The following RASGRF2 variants were observed in gnomAD, a reference collection of about 807,000 sequenced individuals.
RASGRF2 encodes Ras protein specific guanine nucleotide releasing factor 2.
Under a neutral mutation model 151.0 loss-of-function variants are expected in RASGRF2, and 76 were observed. That is an observed-to-expected ratio of 0.50 (90% CI 0.42 to 0.61). The LOEUF (loss-of-function observed/expected upper bound fraction) is 0.61, where lower values mean the gene tolerates loss of function less well. Among genes scored for constraint, RASGRF2 ranks in the 20% least tolerant of loss-of-function variants. The pLI is 0.00. For missense variants in RASGRF2, 1,148 were observed against 1,564.6 expected (o/e 0.73, Z 4.49); for synonymous variants, 504 against 566.5 (o/e 0.89, Z 1.57).
intron 17 of RASGRF2, among the ~76,000 whole-genome samples, chr5:81,140,504 G>A (rs1172668801): frequency 6.6e-6 from 1 of 151,826 alleles, no homozygotes; most frequent in Non-Finnish European, 1.5e-5. Context: ...GAACTGCAAA[G>A]CTGCAGCTTT....
In RASGRF2 at chr5:81,225,854, C is replaced by T. The variant is rs909954040; in HGVS notation, c.*84C>T. ...TGTGTATGCCTTGCCTATCACGGTA[C>T]AGCACGAAGCCAGGCTCCTTTCTCC... On this transcript the variant is annotated 3_prime_UTR_variant, in exon 27 of 27. Coordinates refer to ENST00000265080, the MANE Select transcript of RASGRF2 (RefSeq NM_006909.3). 2.8e-6 allele frequency: 4 copies of T among 1,406,538 alleles called. No individual in the cohort carries two copies. Among genetic ancestry groups the T allele is most frequent in the Admixed American group, 2.6e-5 (1 of 38,732 alleles). 87.1% of individuals were successfully genotyped at this position (1,406,538 alleles called of 1,614,324 possible).
At chr5:80,962,967 C>A (rs1747611650) in intron 1 of RASGRF2, among the ~76,000 whole-genome samples, 1 of 152,178 alleles carries the variant, frequency 6.6e-6, no homozygotes, top group East Asian at 1.9e-4. Context: ...GAGAAGCAAG[C>A]ATTCCAGAAT....
At chr5:81,133,180 C>T (rs1753667670) in intron 17 of RASGRF2, among the ~76,000 whole-genome samples, 1 of 152,202 alleles carries the variant, frequency 6.6e-6, no homozygotes, top group South Asian at 2.1e-4. Context: ...TTAATATGCA[C>T]ACTCTTCTGG....
chr5:81,173,390 A>C (rs1754703278), intron 17 of RASGRF2, among the ~76,000 whole-genome samples: 1 of 152,172 alleles, frequency 6.6e-6, no homozygotes, highest in Non-Finnish European at 1.5e-5. Context: ...AAAAATAAAT[A>C]AACAAATAAA....
chr5:81,017,572 G>T (rs899113455), intron 1 of RASGRF2, among the ~76,000 whole-genome samples: 1 of 152,184 alleles, frequency 6.6e-6, no homozygotes, highest in African/African-American at 2.4e-5. Flanking sequence ...AAGATGCGGA[G>T]GTGGCAGCTG....
intron 17 of RASGRF2, among the ~76,000 whole-genome samples, chr5:81,130,647 G>A (rs1204947385): frequency 6.6e-6 from 1 of 152,146 alleles, no homozygotes; most frequent in East Asian, 1.9e-4. Flanking sequence ...CTGGACAGGT[G>A]TTCAAAGGAA....
At chr5:80,976,991 G>A (rs974491976) in intron 1 of RASGRF2, among the ~76,000 whole-genome samples, 1 of 152,138 alleles carries the variant, frequency 6.6e-6, no homozygotes, top group Non-Finnish European at 1.5e-5. Flanking sequence ...TGGTCTTTCT[G>A]TTTTGGTCCA....
intron 1 of RASGRF2, among the ~76,000 whole-genome samples, chr5:80,985,427 C>T (rs192345340): frequency 6.6e-6 from 1 of 152,190 alleles, no homozygotes; most frequent in East Asian, 1.9e-4. Context: ...AGCTACATAA[C>T]AAGTTCAAAA....
chr5:81,109,257 C>T (rs1752931903), intron 13 of RASGRF2, among the ~76,000 whole-genome samples, 179 bp downstream of exon 13: 1 of 152,158 alleles, frequency 6.6e-6, no homozygotes, highest in African/African-American at 2.4e-5. Flanking sequence ...AATGGTTTTT[C>T]ACATTCACAG....
At chr5:81,194,179 T>TAAAAAA (rs34067957) in intron 18 of RASGRF2, among the ~76,000 whole-genome samples, 361 of 131,006 alleles carry the variant, frequency 2.8e-3, no homozygotes, top group South Asian at 6.2e-3. Context: ...GCCCCATCTC[T>TAAAAAA]AAAAAAAAAA....
chr5:81,225,133 C>T (rs983465084), intron 26 of RASGRF2, among the ~76,000 whole-genome samples: 22 of 152,330 alleles, frequency 1.4e-4, no homozygotes, highest in African/African-American at 4.8e-4. Context: ...AGAGTATTCA[C>T]GCATGCACTC....
intron 2 of RASGRF2, among the ~76,000 whole-genome samples, chr5:81,048,102 T>A (rs1303287804): frequency 1.3e-5 from 2 of 152,144 alleles, no homozygotes; most frequent in Non-Finnish European, 2.9e-5. Flanking sequence ...AGAAGAGTGA[T>A]GACATAGAAA....
At chr5:81,181,218 T>G (rs1185465730) in intron 18 of RASGRF2, among the ~76,000 whole-genome samples, 3 of 152,204 alleles carry the variant, frequency 2.0e-5, no homozygotes, top group Non-Finnish European at 2.9e-5. Flanking sequence ...TGCCACTATA[T>G]TCACAGAGCC....
chr5:81,208,330 T>C (rs1016870883), intron 21 of RASGRF2, 24 bp from the exon 22 acceptor site: 2 of 1,601,056 alleles, frequency 1.2e-6, no homozygotes, highest in Non-Finnish European at 8.6e-7. Flanking sequence ...TTAATTGGTT[T>C]TGTGTTTTGT....
At chr5:80,981,627 A>G (rs1363688857) in intron 1 of RASGRF2, among the ~76,000 whole-genome samples, 1 of 152,088 alleles carries the variant, frequency 6.6e-6, no homozygotes, top group Non-Finnish European at 1.5e-5. Context: ...GTGCAGTGGC[A>G]TGATCTTGGC....
intron 1 of RASGRF2, among the ~76,000 whole-genome samples, chr5:80,995,399 T>TATATATATATATATATATATATAC (rs1165966102): frequency 2.3e-4 from 28 of 119,788 alleles, no homozygotes; most frequent in African/African-American, 9.1e-4. Context: ...TATATATATA[T>TATATATATATATATATATATATAC]ACACACACAC....
intron 17 of RASGRF2, among the ~76,000 whole-genome samples, chr5:81,130,470 A>C (rs2112578817): frequency 6.6e-6 from 1 of 152,238 alleles, no homozygotes; most frequent in African/African-American, 2.4e-5. Flanking sequence ...GGGCTCAGCC[A>C]CTCAGAGGAA....
At chr5:81,048,023 A>C (rs757836299) in intron 2 of RASGRF2, among the ~76,000 whole-genome samples, 1 of 152,226 alleles carries the variant, frequency 6.6e-6, no homozygotes, top group Non-Finnish European at 1.5e-5. Flanking sequence ...GCTGCTGTGT[A>C]TATCATATCC....
chr5:81,203,146 G>T (rs1375131769), intron 19 of RASGRF2, among the ~76,000 whole-genome samples: 1 of 152,228 alleles, frequency 6.6e-6, no homozygotes, highest in African/African-American at 2.4e-5. Flanking sequence ...CCTGATTTCA[G>T]TGCATGAGGG....
Sources: gnomAD v4.1 joint callset for allele counts (sites outside exome capture counted in the v4.1 genomes callset) on GRCh38, gnomAD v4.1.1 for gene constraint, MANE v1.5 for transcripts, NCBI Gene and HGNC (gene_info 2026-07-23, HGNC 2026-07-21) for gene names.